The following TSEN15 variants were observed in gnomAD, a reference collection of about 807,000 sequenced individuals.
TSEN15 encodes the protein tRNA splicing endonuclease subunit 15.
TSEN15 carries 10 observed loss-of-function variants against 20.5 expected under a neutral mutation model. The observed-to-expected ratio is 0.49, with a 90% CI of 0.30 to 0.83. The LOEUF is 0.83. Among genes scored for constraint, TSEN15 ranks in the 40% least tolerant of loss-of-function variants. The probability of loss-of-function intolerance (pLI) is 0.06; values close to 1 mark genes in which losing one functional copy is unlikely to be tolerated. For synonymous variants in TSEN15, 72 were observed against 80.1 expected (o/e 0.90, Z 0.54); for missense variants, 180 against 218.6 (o/e 0.82, Z 1.11).
At chr1:184,052,841 A>G (rs77801739) in intron 1 of TSEN15, among the ~76,000 whole-genome samples, 3,651 of 152,278 alleles carry the variant, frequency 0.024, 69 homozygotes, top group Middle Eastern at 0.037. Context: ...AGGCGCATGA[A>G]CTCAAAATCA....
intron 3 of TSEN15, among the ~76,000 whole-genome samples, chr1:184,055,567 A>G (rs1219188546): frequency 6.6e-6 from 1 of 152,236 alleles, no homozygotes; most frequent in Non-Finnish European, 1.5e-5. Flanking sequence ...TATAAGATGT[A>G]CCATGTAATA....
At chr1:184,061,048 A>C (rs558117821) in intron 3 of TSEN15, among the ~76,000 whole-genome samples, 1 of 152,196 alleles carries the variant, frequency 6.6e-6, no homozygotes, top group Non-Finnish European at 1.5e-5. Context: ...TATAGTAATA[A>C]TGGGCTTTGG....
Position 184,067,747 on chromosome 1 carries a change from G to A in TSEN15, c.354-4410G>A, listed in dbSNP as rs532195032. Reference sequence around the variant, plus strand: ...AGCCTGGCCAACATGGCAAAACCCCGTCTCTACTAAAAATACAAAAAATTA... The same window carrying A: ...AGCCTGGCCAACATGGCAAAACCCCATCTCTACTAAAAATACAAAAAATTA... On this transcript the variant is annotated intron_variant, in intron 3 of 4. Coordinates refer to ENST00000645668, the MANE Select transcript of TSEN15 (RefSeq NM_052965.4). 1.1e-4 allele frequency among the ~76,000 whole-genome samples: 16 copies of A among 151,352 alleles called. No individual in the cohort carries two copies. In the South Asian group the frequency reaches 2.5e-3, roughly 24 times the overall value.
chr1:184,052,658 T>A (rs2102875571), intron 1 of TSEN15, among the ~76,000 whole-genome samples: 1 of 152,154 alleles, frequency 6.6e-6, no homozygotes, highest in Middle Eastern at 3.4e-3. Flanking sequence ...CAAGAAAAAA[T>A]TTGAAGGTAT....
At chr1:184,055,631 A>G (rs1650223404) in intron 3 of TSEN15, among the ~76,000 whole-genome samples, 1 of 152,200 alleles carries the variant, frequency 6.6e-6, no homozygotes. Context: ...ATGCAAGCTG[A>G]AATCAAATTT....
chr1:184,067,974 A>G (rs2102890693), intron 3 of TSEN15, among the ~76,000 whole-genome samples: 1 of 143,636 alleles, frequency 7.0e-6, no homozygotes, highest in South Asian at 2.2e-4. Context: ...ATATATATGT[A>G]CATATGTATG....
At chr1:184,058,855 A>G (rs1454283688) in intron 3 of TSEN15, among the ~76,000 whole-genome samples, 1 of 152,122 alleles carries the variant, frequency 6.6e-6, no homozygotes, top group Non-Finnish European at 1.5e-5. Context: ...TTTCACTTTT[A>G]AATATTATTA....
At chr1:184,072,450 ATTGGTTATATTTTGT>A in intron 4 of TSEN15, 152 bp downstream of exon 4, 1 of 741,564 alleles carries the variant, frequency 1.3e-6, no homozygotes, top group Non-Finnish European at 2.0e-6. Flanking sequence ...ACGTCAGAAA[ATTGGTTATATTTTGT>A]TCAAAGTAGC....
At chr1:184,078,393 T>C (rs1651103469), downstream of TSEN15, among the ~76,000 whole-genome samples, 2 of 152,220 alleles carry the variant, frequency 1.3e-5, no homozygotes, top group African/African-American at 4.8e-5. Flanking sequence ...ATATTTACTT[T>C]ATTGCAGTGG....
chr1:184,069,862 A>C (rs1365148822), intron 3 of TSEN15, among the ~76,000 whole-genome samples: 5 of 152,072 alleles, frequency 3.3e-5, no homozygotes, highest in African/African-American at 1.2e-4. Flanking sequence ...ATGTACCTTG[A>C]GTAACAGAGG....
chr1:184,087,620 T>C (rs1216429500), intron 3 of TSEN15, among the ~76,000 whole-genome samples: 2 of 152,174 alleles, frequency 1.3e-5, no homozygotes, highest in Non-Finnish European at 2.9e-5. Context: ...CAGGAGACTT[T>C]CAGAACATCC....
At chr1:184,054,090 C>T (rs1650153029) in intron 1 of TSEN15, among the ~76,000 whole-genome samples, 1 of 152,204 alleles carries the variant, frequency 6.6e-6, no homozygotes, top group African/African-American at 2.4e-5. Context: ...TTCTGACCTG[C>T]TGTGTCATGT....
intron 3 of TSEN15, among the ~76,000 whole-genome samples, chr1:184,093,043 A>C (rs1651387687): frequency 6.6e-6 from 1 of 152,200 alleles, no homozygotes; most frequent in Non-Finnish European, 1.5e-5. Flanking sequence ...CATTTATCTA[A>C]ATATAGACTG....
At chr1:184,076,892 G>T (rs757590790), downstream of TSEN15, among the ~76,000 whole-genome samples, 7 of 152,150 alleles carry the variant, frequency 4.6e-5, no homozygotes, top group Admixed American at 1.3e-4. Flanking sequence ...AAAGTTTGAA[G>T]CTAGCAGAGC....
At chr1:184,079,014 A>G (rs1332665248), downstream of TSEN15, among the ~76,000 whole-genome samples, 2 of 152,120 alleles carry the variant, frequency 1.3e-5, no homozygotes, top group African/African-American at 2.4e-5. Flanking sequence ...TTCATCTGCC[A>G]TATTTTACCT....
chr1:184,090,245 T>A (rs1368591201), intron 3 of TSEN15, among the ~76,000 whole-genome samples: 1 of 152,224 alleles, frequency 6.6e-6, no homozygotes, highest in Non-Finnish European at 1.5e-5. Flanking sequence ...TATGAATTTA[T>A]ATGAAACTTG....
intron 3 of TSEN15, among the ~76,000 whole-genome samples, chr1:184,058,897 T>C (rs1167745732): frequency 1.3e-5 from 2 of 152,174 alleles, no homozygotes; most frequent in African/African-American, 2.4e-5. Context: ...GGCTTTTTGG[T>C]CTTAACAATT....
At chr1:184,065,678 T>G (rs991747445) in intron 3 of TSEN15, among the ~76,000 whole-genome samples, 6 of 152,240 alleles carry the variant, frequency 3.9e-5, no homozygotes, top group South Asian at 2.1e-4. Context: ...CATGGCATTT[T>G]GGGTTTTAGC....
At chr1:184,087,033 A>G (rs1553223626) in intron 3 of TSEN15, among the ~76,000 whole-genome samples, 1 of 152,166 alleles carries the variant, frequency 6.6e-6, no homozygotes, top group Non-Finnish European at 1.5e-5. Context: ...ATAAAATTCT[A>G]GATACTATGG....
Sources: gnomAD v4.1 joint callset for allele counts (sites outside exome capture counted in the v4.1 genomes callset) on GRCh38, gnomAD v4.1.1 for gene constraint, MANE v1.5 for transcripts, NCBI Gene and HGNC (gene_info 2026-07-23, HGNC 2026-07-21) for gene names.